Variants in TBC1D19 observed in about 807,000 individuals in gnomAD.
The protein encoded by TBC1D19 is TBC1 domain family, member 19.
Under a neutral mutation model 89.0 loss-of-function variants are expected in TBC1D19, and 60 were observed. That is an observed-to-expected ratio of 0.67 (90% confidence interval 0.55 to 0.84). TBC1D19 has a LOEUF of 0.84. Among genes scored for constraint, TBC1D19 ranks in the 40% least tolerant of loss-of-function variants. TBC1D19 has a pLI of 0.00. For missense variants in TBC1D19, 500 were observed against 610.8 expected, an observed-to-expected ratio of 0.82 and a Z score of 1.91; for synonymous variants, 189 against 199.7, an observed-to-expected ratio of 0.95 and a Z score of 0.45.
intron 7 of TBC1D19, among the ~76,000 whole-genome samples, chr4:26,653,594 G>T (rs949101565): frequency 7.9e-5 from 12 of 152,208 alleles, no homozygotes; most frequent in African/African-American, 2.6e-4. Context: ...TAGTTAGCTT[G>T]TCTTGTTGAA....
At chr4:26,643,384 A>G (rs925125079) in intron 7 of TBC1D19, among the ~76,000 whole-genome samples, 3 of 152,242 alleles carry the variant, frequency 2.0e-5, no homozygotes, top group Non-Finnish European at 2.9e-5. Flanking sequence ...ACCAATGAGA[A>G]CAAAGAGAAA....
intron 13 of TBC1D19, among the ~76,000 whole-genome samples, chr4:26,710,365 C>A (rs1716085882): frequency 6.6e-6 from 1 of 152,132 alleles, no homozygotes; most frequent in African/African-American, 2.4e-5. Flanking sequence ...ATGAACTCAT[C>A]ATTTTTTATG....
chr4:26,691,630 A>G lies in TBC1D19; in HGVS notation c.954+3223A>G, dbSNP rs1286543121. Among the ~76,000 whole-genome samples the G allele has an allele frequency of 2.0e-5, 3 of 152,044 alleles. No homozygotes were observed. The East Asian group carries it at 5.8e-4, about 29-fold the overall frequency. ...AGTATTTTTAATTTATGGCATGTAT[A>G]TTTTTGGGCATATGCTAGTGTACTT... On this transcript the variant is annotated intron_variant, in intron 13 of 20. Coordinates refer to ENST00000264866, the MANE Select transcript of TBC1D19 (RefSeq NM_018317.4).
chr4:26,807,519 A>G, the TBC1D19 span, among the ~76,000 whole-genome samples: 2 of 152,086 alleles, frequency 1.3e-5, no homozygotes, highest in Admixed American at 1.3e-4. Flanking sequence ...CATTTTCCCA[A>G]GGGGCTCATT....
intron 4 of TBC1D19, among the ~76,000 whole-genome samples, chr4:26,635,728 A>G (rs565705915): frequency 4.3e-4 from 66 of 152,132 alleles, no homozygotes; most frequent in Non-Finnish European, 7.2e-4. Context: ...TTGTACCATG[A>G]TAGGTGGAGG....
At chr4:26,667,203 G>A (rs1374290618) in intron 9 of TBC1D19, among the ~76,000 whole-genome samples, 1 of 151,840 alleles carries the variant, frequency 6.6e-6, no homozygotes, top group African/African-American at 2.4e-5. Context: ...ACTTTATATG[G>A]TATCAATTTT....
chr4:26,748,541 T>A lies in TBC1D19; in HGVS notation c.1435+15T>A. On this transcript the variant is annotated intron_variant, in intron 19 of 20. Coordinates refer to ENST00000264866, the MANE Select transcript of TBC1D19 (RefSeq NM_018317.4). ...AATTCTTGCTGGTAAGAGTAAATGCTTGTTTGTAGAACACATGCTGTTTCT... is the reference window on the plus strand; with the variant it reads ...AATTCTTGCTGGTAAGAGTAAATGCATGTTTGTAGAACACATGCTGTTTCT... 1 of 1,567,546 alleles carries A rather than the reference T, an allele frequency of 6.4e-7. No homozygotes were observed. The highest frequency in any genetic ancestry group is 8.8e-7 in the Non-Finnish European group (1 of 1,139,788).
At chr4:26,754,802 T>A in intron 20 of TBC1D19, 71 bp from the exon 21 acceptor site, 2 of 1,222,756 alleles carry the variant, frequency 1.6e-6, no homozygotes, top group Non-Finnish European at 2.3e-6. Flanking sequence ...CAAAATTACA[T>A]TGTAATTATG....
intron 7 of TBC1D19, among the ~76,000 whole-genome samples, chr4:26,647,391 T>G (rs1248148439): frequency 6.6e-6 from 1 of 152,196 alleles, no homozygotes; most frequent in Non-Finnish European, 1.5e-5. Context: ...TCTCTTGGAC[T>G]TCACATGTAA....
chr4:26,797,943 T>G, the TBC1D19 span, among the ~76,000 whole-genome samples: 3 of 152,148 alleles, frequency 2.0e-5, no homozygotes, highest in Admixed American at 1.3e-4. Context: ...ATAAAAATCC[T>G]AGAAGAAAAC....
intron 13 of TBC1D19, among the ~76,000 whole-genome samples, chr4:26,701,302 C>T (rs1015250544): frequency 7.9e-5 from 11 of 138,464 alleles, no homozygotes; most frequent in Non-Finnish European, 4.8e-5. Flanking sequence ...CCCTGACCAA[C>T]CCGTCACTCA....
chr4:26,696,366 T>C (rs1393177936), intron 13 of TBC1D19, among the ~76,000 whole-genome samples: 1 of 151,692 alleles, frequency 6.6e-6, no homozygotes, highest in Non-Finnish European at 1.5e-5. Flanking sequence ...AGCAAGTCCT[T>C]AGAGATCTAC....
chr4:26,834,177 C>A, the TBC1D19 span, among the ~76,000 whole-genome samples: 1 of 152,152 alleles, frequency 6.6e-6, no homozygotes. Context: ...TTCCTGAGGC[C>A]TCCCCAGCCA....
At chr4:26,691,926 G>A (rs565650708) in intron 13 of TBC1D19, among the ~76,000 whole-genome samples, 1 of 152,266 alleles carries the variant, frequency 6.6e-6, no homozygotes, top group East Asian at 1.9e-4. Flanking sequence ...ACCATCCTCA[G>A]CAGGAAACTG....
the TBC1D19 span, among the ~76,000 whole-genome samples, chr4:26,764,745 G>C: frequency 6.6e-6 from 1 of 152,146 alleles, no homozygotes; most frequent in Non-Finnish European, 1.5e-5. Context: ...AAGGTAAGGA[G>C]GGTTTGGTGA....
chr4:26,649,227 AT>A (rs1744162632), intron 7 of TBC1D19, among the ~76,000 whole-genome samples: 1 of 152,050 alleles, frequency 6.6e-6, no homozygotes, highest in South Asian at 2.1e-4. Context: ...TTTTGGTATT[AT>A]AGCATATATT....
rs781170770 is a variant in TBC1D19, at chr4:26,672,131, T to C, written c.665-18T>C. The C allele has an allele frequency of 4.8e-6, 5 of 1,035,526 alleles. No homozygotes were observed. In the Admixed American group the frequency reaches 1.3e-4, roughly 27 times the overall value. 64.1% of individuals were successfully genotyped at this position (1,035,526 alleles called of 1,614,324 possible). On this transcript the variant is annotated intron_variant, in intron 9 of 20. Transcript: ENST00000264866. ...TCATACTCATGTCTAATAATTTTAA[T>C]TTTTTTTTAATTTTTAGAACTTTTT...
chr4:26,797,881 T>A, the TBC1D19 span, among the ~76,000 whole-genome samples: 1 of 152,086 alleles, frequency 6.6e-6, no homozygotes. Context: ...TCTCACCATA[T>A]ATAAAAATTA....
At chr4:26,590,913 G>A (rs935484181) in intron 1 of TBC1D19, among the ~76,000 whole-genome samples, 1 of 142,674 alleles carries the variant, frequency 7.0e-6, no homozygotes, top group African/African-American at 2.6e-5. Context: ...AGTCTCCTAA[G>A]TAGCTGGAAT....
Sources: allele counts gnomAD v4.1 joint callset (sites outside exome capture counted in the v4.1 genomes callset), GRCh38; gene constraint gnomAD v4.1.1; transcripts MANE v1.5; gene names NCBI Gene and HGNC (gene_info 2026-07-23, HGNC 2026-07-21).